Variants in CTNNA2 observed in about 807,000 individuals in gnomAD.
CTNNA2 encodes catenin alpha 2.
A neutral mutation model predicts 101.0 loss-of-function variants in CTNNA2; 42 were observed. The observed-to-expected ratio is 0.42, with a 90% confidence interval of 0.32 to 0.54. The LOEUF (loss-of-function observed/expected upper bound fraction) is 0.54, where lower values mean the gene tolerates loss of function less well. Among genes scored for constraint, CTNNA2 ranks in the 20% least tolerant of loss-of-function variants. The pLI, the probability that CTNNA2 is intolerant of heterozygous loss-of-function variation, is 0.14. For missense variants in CTNNA2, 871 were observed against 1,223.1 expected, an observed-to-expected ratio of 0.71 and a Z score of 4.29; for synonymous variants, 450 against 456.4, an observed-to-expected ratio of 0.99 and a Z score of 0.18.
chr2:79,477,086 C>T (rs774763440), intron 4 of CTNNA2, among the ~76,000 whole-genome samples: 5 of 152,100 alleles, frequency 3.3e-5, no homozygotes, highest in African/African-American at 9.7e-5. Flanking sequence ...TCTATCATCT[C>T]CTTGACAGAG....
At chr2:79,665,761 T>G (rs1219696034) in intron 2 of CTNNA2, among the ~76,000 whole-genome samples, 1 of 152,174 alleles carries the variant, frequency 6.6e-6, no homozygotes, top group Non-Finnish European at 1.5e-5. Context: ...TATTATTATC[T>G]GGGCTTAGAA....
intron 8 of CTNNA2, among the ~76,000 whole-genome samples, chr2:80,419,021 G>A (rs1444814754): frequency 6.6e-6 from 1 of 152,168 alleles, no homozygotes; most frequent in African/African-American, 2.4e-5. Flanking sequence ...AGACTGCACA[G>A]TGGCCAAGTT....
At position 79,294,995 on chromosome 2, in the gene CTNNA2, A is replaced by ATGTGTG. The variant is rs71385265; in HGVS notation, c.-405-17700_-405-17695dup. 2.6e-3 allele frequency among the ~76,000 whole-genome samples: 395 copies of ATGTGTG among 150,636 alleles called. 6 individuals are homozygous for ATGTGTG. In the East Asian group the frequency reaches 0.034, roughly 13 times the overall value. ...CACAATTGCACTTGTGTGTGAGTTC[A>ATGTGTG]TGTGTGTGTGTGTGTGTGTATTTGT... On this transcript the variant is annotated intron_variant, in intron 2 of 21. Transcript: ENST00000466387.
chr2:80,321,583 C>T (rs1678695445), intron 7 of CTNNA2, among the ~76,000 whole-genome samples: 1 of 152,150 alleles, frequency 6.6e-6, no homozygotes, highest in South Asian at 2.1e-4. Context: ...AAATGAACTA[C>T]AACCAGGAAA....
chr2:79,838,716 T>TGATTATGA, intron 3 of CTNNA2, among the ~76,000 whole-genome samples: 1 of 152,210 alleles, frequency 6.6e-6, no homozygotes, highest in South Asian at 2.1e-4. Flanking sequence ...TTAAAAGTGT[T>TGATTATGA]GATTATGATA....
intron 9 of CTNNA2, among the ~76,000 whole-genome samples, chr2:80,544,167 G>A (rs1293139082): frequency 1.3e-5 from 2 of 151,964 alleles, no homozygotes; most frequent in South Asian, 2.1e-4. Flanking sequence ...AAATTTGAAT[G>A]TCTTGCTTCC....
chr2:80,295,422 T>A lies in CTNNA2; in HGVS notation c.1057-97789T>A, dbSNP rs898209572. The stretch of plus-strand genomic sequence containing the variant: ...CTGTTTTCCAGCATGTCCACCTACC[T>A]CTCTGAAGCCCCTGACTCTCAGTGA... On this transcript the variant is annotated intron_variant, in intron 7 of 18. Transcript: ENST00000402739. Among the ~76,000 whole-genome samples the A allele has an allele frequency of 5.3e-4, 80 of 152,198 alleles. 1 individual carries two copies. The highest frequency in any genetic ancestry group is 2.2e-3 in the Admixed American group (33 of 15,280).
rs779824331 is a variant in CTNNA2, at chr2:80,474,774, A to T, written c.1290+55173A>T. On this transcript the variant is annotated intron_variant, in intron 9 of 18. Transcript: ENST00000402739. ...ATAGCTACTTGGAAGTGTTGACAGGAAATTAAATTTGCAAACAGAAATAAA... is the reference window on the plus strand; with the variant it reads ...ATAGCTACTTGGAAGTGTTGACAGGTAATTAAATTTGCAAACAGAAATAAA... Among the ~76,000 whole-genome samples, 71 of 152,190 alleles carry T rather than the reference A, an allele frequency of 4.7e-4. 1 individual carries two copies. Among genetic ancestry groups the T allele is most frequent in the Admixed American group, 1.3e-4 (2 of 15,278 alleles).
chr2:79,494,425 A>G (rs1671234802), intron 4 of CTNNA2, among the ~76,000 whole-genome samples: 1 of 152,236 alleles, frequency 6.6e-6, no homozygotes, highest in Non-Finnish European at 1.5e-5. Context: ...TGCAAGCTAC[A>G]GTAATCAAGA....
At chr2:80,231,173 C>A (rs934425363) in intron 7 of CTNNA2, among the ~76,000 whole-genome samples, 1 of 151,992 alleles carries the variant, frequency 6.6e-6, no homozygotes, top group African/African-American at 2.4e-5. Context: ...AGGGTTTCAC[C>A]ATGTTGGCCA....
intron 7 of CTNNA2, among the ~76,000 whole-genome samples, chr2:80,099,004 C>T (rs567940653): frequency 5.3e-5 from 8 of 152,056 alleles, no homozygotes; most frequent in Admixed American, 4.6e-4. Context: ...GTGCATTGCA[C>T]CCACTGTCCT....
chr2:80,209,260 G>A (rs78757947), intron 7 of CTNNA2, among the ~76,000 whole-genome samples: 2,330 of 150,132 alleles, frequency 0.016, 69 homozygotes, highest in African/African-American at 0.053. Flanking sequence ...GAACTGCAGC[G>A]GCACGATCCT....
intron 2 of CTNNA2, among the ~76,000 whole-genome samples, chr2:79,242,987 TATATATAC>T (rs1428511051): frequency 5.5e-4 from 30 of 54,428 alleles, no homozygotes; most frequent in African/African-American, 1.2e-3. Flanking sequence ...TATATATATA[TATATATAC>T]ACACACACAC....
chr2:79,591,466 TG>T, intron 1 of CTNNA2, among the ~76,000 whole-genome samples: 1 of 56,552 alleles, frequency 1.8e-5, no homozygotes, highest in Non-Finnish European at 4.7e-5. Flanking sequence ...AGACTAACCC[TG>T]AGGGGGAAAA....
Position 79,989,443 on chromosome 2 carries a change from T to G in CTNNA2, c.1056+79646T>G, listed in dbSNP as rs192385898. ...TTCAAAACCAGCCTGAGCAACATGGTGAAAATCCCGTCTATACAAAAACAA... is the reference window on the plus strand; with the variant it reads ...TTCAAAACCAGCCTGAGCAACATGGGGAAAATCCCGTCTATACAAAAACAA... On this transcript the variant is annotated intron_variant, in intron 7 of 18. Transcript: ENST00000402739. 7.2e-4 allele frequency among the ~76,000 whole-genome samples: 109 copies of G among 152,064 alleles called. No individual in the cohort carries two copies. The Middle Eastern group carries it at 0.024, about 33-fold the overall frequency.
intron 1 of CTNNA2, among the ~76,000 whole-genome samples, chr2:79,192,157 T>G (rs969811952): frequency 7.2e-5 from 11 of 151,902 alleles, no homozygotes; most frequent in African/African-American, 2.7e-4. Context: ...GGAGGGGGTG[T>G]AACGAGGCGT....
chr2:79,502,314 T>C (rs2103805956), intron 4 of CTNNA2, among the ~76,000 whole-genome samples: 1 of 152,344 alleles, frequency 6.6e-6, no homozygotes, highest in Non-Finnish European at 1.5e-5. Context: ...ATGGCTCAAC[T>C]GTGGACACAA....
intron 7 of CTNNA2, among the ~76,000 whole-genome samples, chr2:80,181,049 T>C (rs1377212352): frequency 6.6e-6 from 1 of 152,226 alleles, no homozygotes; most frequent in Non-Finnish European, 1.5e-5. Context: ...TCTGCTTACA[T>C]AAATTAGAAA....
At chr2:80,401,805 AAAAC>A (rs1678575421) in intron 8 of CTNNA2, among the ~76,000 whole-genome samples, 1 of 151,960 alleles carries the variant, frequency 6.6e-6, no homozygotes, top group Non-Finnish European at 1.5e-5. Context: ...AGAAAAAAAA[AAAAC>A]AGTGTTTTGC....
Sources: allele counts gnomAD v4.1 joint callset (sites outside exome capture counted in the v4.1 genomes callset), GRCh38; gene constraint gnomAD v4.1.1; transcripts MANE v1.5; gene names NCBI Gene and HGNC (gene_info 2026-07-23, HGNC 2026-07-21).